PLCB1: variants seen among roughly 807,000 people sequenced by gnomAD.
The protein encoded by PLCB1 is phospholipase C beta 1.
In PLCB1, 46 loss-of-function variants were observed where a neutral mutation model predicts 161.8. The observed-to-expected ratio is 0.28, with a 90% CI of 0.22 to 0.36. PLCB1 has a LOEUF of 0.36. PLCB1 is among the 10% of genes least tolerant of loss of function. PLCB1 has a pLI of 1.00. For missense variants in PLCB1, 1,016 were observed against 1,472.5 expected, an observed-to-expected ratio of 0.69 and a Z score of 5.07; for synonymous variants, 517 against 503.7, an observed-to-expected ratio of 1.03 and a Z score of -0.35.
At chr20:8,601,176 A>C (rs112900346) in intron 3 of PLCB1, among the ~76,000 whole-genome samples, 1 of 152,204 alleles carries the variant, frequency 6.6e-6, no homozygotes, top group Non-Finnish European at 1.5e-5. Flanking sequence ...AGAGGCTAAA[A>C]ATAACCTAAA....
intron 2 of PLCB1, among the ~76,000 whole-genome samples, chr20:8,255,114 C>T (rs1162103470): frequency 2.0e-5 from 3 of 152,064 alleles, no homozygotes; most frequent in African/African-American, 7.2e-5. Flanking sequence ...GACCATGATT[C>T]ACAGCAGATG....
intron 3 of PLCB1, among the ~76,000 whole-genome samples, chr20:8,617,630 T>C (rs1401748024): frequency 6.6e-6 from 1 of 152,192 alleles, no homozygotes; most frequent in African/African-American, 2.4e-5. Context: ...AGCCTGTTGT[T>C]GAACATTTAC....
chr20:8,208,757 AT>A (rs5840256), intron 2 of PLCB1, among the ~76,000 whole-genome samples: 39,596 of 151,698 alleles, frequency 0.26, 6,030 homozygotes, highest in African/African-American at 0.42. Flanking sequence ...GATGATAGTG[AT>A]TTTTTTTCAC....
At chr20:8,666,104 G>A (rs375481548) in intron 9 of PLCB1, among the ~76,000 whole-genome samples, 2 of 152,248 alleles carry the variant, frequency 1.3e-5, no homozygotes, top group East Asian at 3.9e-4. Context: ...TATCTTCCAT[G>A]CCCCTTGGGT....
intron 3 of PLCB1, among the ~76,000 whole-genome samples, chr20:8,565,736 G>T (rs890107510): frequency 1.3e-5 from 2 of 151,986 alleles, no homozygotes; most frequent in Non-Finnish European, 2.9e-5. Context: ...GGACTTTAAG[G>T]AAGATTTTTT....
intron 2 of PLCB1, among the ~76,000 whole-genome samples, chr20:8,210,700 G>A (rs1485249225): frequency 6.6e-6 from 1 of 152,046 alleles, no homozygotes; most frequent in East Asian, 1.9e-4. Flanking sequence ...CCTTGGAGTT[G>A]TAGTTTTAAT....
intron 3 of PLCB1, among the ~76,000 whole-genome samples, chr20:8,593,399 T>A (rs976040455): frequency 2.0e-5 from 3 of 151,968 alleles, no homozygotes; most frequent in African/African-American, 7.3e-5. Context: ...TTGCTCTGTT[T>A]CCCAGGCTGG....
At chr20:8,462,489 C>T (rs1981623766) in intron 3 of PLCB1, among the ~76,000 whole-genome samples, 1 of 152,194 alleles carries the variant, frequency 6.6e-6, no homozygotes, top group Non-Finnish European at 1.5e-5. Context: ...GCTTGTAAGG[C>T]AGCTGTCTGC....
chr20:8,851,947 A>G (rs117131526), intron 31 of PLCB1, among the ~76,000 whole-genome samples: 8,184 of 152,296 alleles, frequency 0.054, 295 homozygotes, highest in Non-Finnish European at 0.079. Flanking sequence ...ATGTCCATCA[A>G]CAGTGGCATG....
At chr20:8,253,318 C>A (rs1981251800) in intron 2 of PLCB1, among the ~76,000 whole-genome samples, 1 of 151,930 alleles carries the variant, frequency 6.6e-6, no homozygotes, top group Non-Finnish European at 1.5e-5. Context: ...AGAAAATTTC[C>A]TTTTCCTAGT....
chr20:8,475,143 AATC>A (rs1245667472), intron 3 of PLCB1, among the ~76,000 whole-genome samples: 1 of 152,214 alleles, frequency 6.6e-6, no homozygotes, highest in African/African-American at 2.4e-5. Context: ...AAAAATGTTC[AATC>A]ATTAAGATAA....
At chr20:8,799,866 C>T (rs1984203421) in intron 31 of PLCB1, among the ~76,000 whole-genome samples, 1 of 152,154 alleles carries the variant, frequency 6.6e-6, no homozygotes, top group East Asian at 1.9e-4. Context: ...ATACCTACTA[C>T]AATGTAAGTT....
chr20:8,832,272 A>G (rs555887837), intron 31 of PLCB1, among the ~76,000 whole-genome samples: 1 of 152,330 alleles, frequency 6.6e-6, no homozygotes, highest in East Asian at 1.9e-4. Flanking sequence ...TAAAATTTAA[A>G]TAGAATAGTT....
chr20:8,436,512 A>T (rs561844770), intron 3 of PLCB1, among the ~76,000 whole-genome samples: 3 of 150,090 alleles, frequency 2.0e-5, no homozygotes, highest in East Asian at 3.9e-4. Context: ...TTGTTAATTT[A>T]AAAAATCTGT....
At chr20:8,623,929 G>T (rs977335228) in intron 3 of PLCB1, 4 of 152,192 alleles carry the variant, frequency 2.6e-5, no homozygotes, top group South Asian at 2.1e-4. Flanking sequence ...GAGGTATGAG[G>T]ATAAGCATTG....
chr20:8,447,401 A>G (rs1017077584), intron 3 of PLCB1, among the ~76,000 whole-genome samples: 1 of 152,218 alleles, frequency 6.6e-6, no homozygotes, highest in African/African-American at 2.4e-5. Flanking sequence ...GTGAATGTAC[A>G]TGAAGTGATG....
chr20:8,150,673 C>A lies in PLCB1; in HGVS notation c.177+302C>A, dbSNP rs149949407. ...TTTGGTGTAGCACATAATTAGTCAG[C>A]GTTACTGATTTAAGTCCCCACCCAT... On this transcript the variant is annotated intron_variant, in intron 2 of 31. Transcript: ENST00000338037. 6.1e-3 allele frequency among the ~76,000 whole-genome samples: 929 copies of A among 152,142 alleles called. 4 individuals are homozygous for A. The highest frequency in any genetic ancestry group is 0.01 in the Non-Finnish European group (701 of 67,974).
At chr20:8,844,553 C>G (rs1004510320) in intron 31 of PLCB1, among the ~76,000 whole-genome samples, 1 of 151,950 alleles carries the variant, frequency 6.6e-6, no homozygotes, top group Non-Finnish European at 1.5e-5. Flanking sequence ...GCACTCCTGC[C>G]TGGGTAACAA....
intron 2 of PLCB1, among the ~76,000 whole-genome samples, chr20:8,193,567 G>A (rs1020652656): frequency 6.6e-6 from 1 of 152,018 alleles, no homozygotes; most frequent in Non-Finnish European, 1.5e-5. Context: ...AAAGTGTTTT[G>A]TAGTGGGTGG....
Sources: gnomAD v4.1 joint callset for allele counts (sites outside exome capture counted in the v4.1 genomes callset) on GRCh38, gnomAD v4.1.1 for gene constraint, MANE v1.5 for transcripts, NCBI Gene and HGNC (gene_info 2026-07-23, HGNC 2026-07-21) for gene names.